DCC: variants seen among roughly 807,000 people sequenced by gnomAD.
DCC encodes the protein netrin receptor DCC.
Under a neutral mutation model 172.5 loss-of-function variants are expected in DCC, and 58 were observed. The observed-to-expected ratio is 0.34, with a 90% CI of 0.27 to 0.42. The LOEUF is 0.42. DCC is among the 10% of genes least tolerant of loss of function. The pLI, the probability that DCC is intolerant of heterozygous loss-of-function variation, is 1.00. For synonymous variants in DCC, 709 were observed against 644.5 expected, an observed-to-expected ratio of 1.10 and a Z score of -1.52; for missense variants, 1,740 against 1,791.0, an observed-to-expected ratio of 0.97 and a Z score of 0.51.
chr18:52,464,198 T>C (rs1005153185), intron 1 of DCC, among the ~76,000 whole-genome samples: 2 of 152,214 alleles, frequency 1.3e-5, no homozygotes, highest in Non-Finnish European at 2.9e-5. Context: ...TCTCAGTATA[T>C]GCTTACAAAT....
rs565636203 is a variant in DCC, at chr18:52,343,812, C to T, written c.91+2934C>T. Among the ~76,000 whole-genome samples, 6 of 152,352 alleles carry T rather than the reference C, an allele frequency of 3.9e-5. No individual in the cohort carries two copies. The South Asian group carries it at 8.3e-4, about 21-fold the overall frequency. ...GGTCGCCCTCCCTAGGCGACCTCTT[C>T]TCATTCCCCCAACCAAAGCAGATCA... is the stretch of plus-strand genomic sequence containing the variant. On this transcript the variant is annotated intron_variant, in intron 1 of 28. Transcript: ENST00000442544.
intron 1 of DCC, among the ~76,000 whole-genome samples, chr18:52,605,325 T>G (rs1313949535): frequency 1.3e-5 from 2 of 152,140 alleles, no homozygotes; most frequent in Non-Finnish European, 2.9e-5. Context: ...GTTATTCTCT[T>G]ACTGTTATAT....
chr18:53,465,651 C>T lies in DCC; in HGVS notation c.3620-2243C>T, dbSNP rs183081096. 6.3e-4 allele frequency among the ~76,000 whole-genome samples: 96 copies of T among 152,146 alleles called. 1 individual carries two copies. The highest frequency in any genetic ancestry group is 2.3e-3 in the African/African-American group (94 of 41,546). On this transcript the variant is annotated intron_variant, in intron 24 of 28. Coordinates refer to ENST00000442544, the MANE Select transcript of DCC (RefSeq NM_005215.4). ...TTTGCCAAATTTTGGAAATATCAGC[C>T]AATAATTCTTTAAATATTTTTCAGT...
At chr18:53,432,443 TAATAA>T (rs1415288406) in intron 21 of DCC, among the ~76,000 whole-genome samples, 1 of 152,198 alleles carries the variant, frequency 6.6e-6, no homozygotes, top group Non-Finnish European at 1.5e-5. Flanking sequence ...TATGCTTCAT[TAATAA>T]AATGACCTCT....
At chr18:52,833,874 G>T (rs73469506) in intron 2 of DCC, among the ~76,000 whole-genome samples, 32,807 of 152,008 alleles carry the variant, frequency 0.22, 4,046 homozygotes, top group African/African-American at 0.35. Context: ...ACATAGCCCA[G>T]GCTAGTCTTG....
chr18:53,437,430 A>G (rs1023335962), intron 22 of DCC, among the ~76,000 whole-genome samples: 1 of 151,796 alleles, frequency 6.6e-6, no homozygotes, highest in Non-Finnish European at 1.5e-5. Flanking sequence ...AACACAAAAA[A>G]TTAGCCAGGA....
chr18:53,385,621 T>TAGCTGTGCAGA (rs2144993964), intron 15 of DCC, among the ~76,000 whole-genome samples: 1 of 152,340 alleles, frequency 6.6e-6, no homozygotes, highest in East Asian at 1.9e-4. Flanking sequence ...CTGCTGTGCT[T>TAGCTGTGCAGA]TCCAGCATTA....
At chr18:52,493,449 C>A (rs2030602355) in intron 1 of DCC, among the ~76,000 whole-genome samples, 1 of 152,000 alleles carries the variant, frequency 6.6e-6, no homozygotes, top group Admixed American at 6.6e-5. Flanking sequence ...CCTGGAAACT[C>A]TTCAAACAGA....
At chr18:52,947,594 C>T (rs888923518) in intron 5 of DCC, among the ~76,000 whole-genome samples, 2 of 152,200 alleles carry the variant, frequency 1.3e-5, no homozygotes, top group Admixed American at 6.5e-5. Context: ...TTGGGTCAGT[C>T]AGGCAAATGA....
At chr18:52,633,489 C>A (rs1286182042) in intron 1 of DCC, among the ~76,000 whole-genome samples, 1 of 152,110 alleles carries the variant, frequency 6.6e-6, no homozygotes, top group African/African-American at 2.4e-5. Flanking sequence ...CAAATCAATT[C>A]CCCTTTATGC....
chr18:53,245,610 G>A (rs1238722651), intron 12 of DCC, among the ~76,000 whole-genome samples: 2 of 152,028 alleles, frequency 1.3e-5, no homozygotes, highest in Non-Finnish European at 2.9e-5. Flanking sequence ...TCAGGCCCTA[G>A]GAGTATAATG....
At chr18:52,947,126 T>C (rs1367319223) in intron 5 of DCC, among the ~76,000 whole-genome samples, 1 of 152,134 alleles carries the variant, frequency 6.6e-6, no homozygotes, top group African/African-American at 2.4e-5. Context: ...GGTGTGAATA[T>C]TTGTATCAAA....
chr18:53,408,221 G>A (rs1488523468), intron 19 of DCC, among the ~76,000 whole-genome samples: 1 of 152,146 alleles, frequency 6.6e-6, no homozygotes, highest in African/African-American at 2.4e-5. Flanking sequence ...TATCACAAAT[G>A]TAGCAGGGTA....
chr18:52,935,285 G>T (rs2040365874), intron 5 of DCC, among the ~76,000 whole-genome samples: 2 of 151,896 alleles, frequency 1.3e-5, no homozygotes, highest in African/African-American at 4.8e-5. Context: ...TCTTATTTTT[G>T]TTCGCTATCA....
chr18:52,791,446 G>A (rs113806590), intron 2 of DCC, among the ~76,000 whole-genome samples: 6,537 of 151,836 alleles, frequency 0.043, 220 homozygotes, highest in South Asian at 0.16. Context: ...CAGTGGAGGC[G>A]TTCCCCCTGC....
intron 27 of DCC, among the ~76,000 whole-genome samples, chr18:53,510,011 T>C (rs1297276345): frequency 2.0e-5 from 3 of 152,208 alleles, no homozygotes; most frequent in Non-Finnish European, 2.9e-5. Flanking sequence ...AATTTGTCCT[T>C]CTTCTGCAAC....
At chr18:52,723,841 A>G (rs376364960) in intron 1 of DCC, among the ~76,000 whole-genome samples, 25 of 152,286 alleles carry the variant, frequency 1.6e-4, no homozygotes, top group African/African-American at 5.1e-4. Flanking sequence ...GGTAAGGGCA[A>G]AGGCGAGCCT....
At position 53,020,555 on chromosome 18, in the gene DCC, G is replaced by T. The variant is rs566666096; in HGVS notation, c.986-42750G>T. Among the ~76,000 whole-genome samples, 179 of 152,244 alleles carry T rather than the reference G, an allele frequency of 1.2e-3. 1 individual carries two copies. Among genetic ancestry groups the T allele is most frequent in the African/African-American group, 4.1e-3 (170 of 41,540 alleles). On this transcript the variant is annotated intron_variant, in intron 5 of 28. Transcript: ENST00000442544. ...TCATACTGTATTTCCTAACAATGTG[G>T]CATGTTTCACACTCATTAGTTCCTA...
intron 8 of DCC, among the ~76,000 whole-genome samples, chr18:53,161,459 C>A (rs1467806961): frequency 6.6e-6 from 1 of 152,188 alleles, no homozygotes; most frequent in East Asian, 1.9e-4. Context: ...TATCAAATTG[C>A]TTCAGGACTC....
Sources: gnomAD v4.1 joint callset for allele counts (sites outside exome capture counted in the v4.1 genomes callset) on GRCh38, gnomAD v4.1.1 for gene constraint, MANE v1.5 for transcripts, NCBI Gene and HGNC (gene_info 2026-07-23, HGNC 2026-07-21) for gene names.